Variants in CNTN5 observed in about 807,000 individuals in gnomAD.
CNTN5 encodes the protein contactin-5.
In CNTN5, 77 loss-of-function variants were observed where a neutral mutation model predicts 129.1. The ratio of observed to expected loss-of-function variants is 0.60; its 90% CI spans 0.50 to 0.72. The LOEUF (loss-of-function observed/expected upper bound fraction) is 0.72, where lower values mean the gene tolerates loss of function less well. Among genes scored for constraint, CNTN5 ranks in the 30% least tolerant of loss-of-function variants. The pLI, the probability that CNTN5 is intolerant of heterozygous loss-of-function variation, is 0.00. For synonymous variants in CNTN5, 509 were observed against 465.6 expected (o/e 1.09, Z -1.20); for missense variants, 1,478 against 1,328.8 (o/e 1.11, Z -1.75).
chr11:99,139,490 C>A (rs1324480347), intron 1 of CNTN5, among the ~76,000 whole-genome samples: 1 of 152,102 alleles, frequency 6.6e-6, no homozygotes, highest in Non-Finnish European at 1.5e-5. Flanking sequence ...ATAATACTTT[C>A]TAAGCATTTT....
intron 1 of CNTN5, among the ~76,000 whole-genome samples, chr11:99,241,819 GC>G (rs1861574941): frequency 6.6e-6 from 1 of 152,066 alleles, no homozygotes; most frequent in South Asian, 2.1e-4. Flanking sequence ...TTTAAACTTT[GC>G]ATTCTGGTGT....
chr11:100,140,358 G>A (rs372252710), intron 13 of CNTN5, among the ~76,000 whole-genome samples: 1 of 152,174 alleles, frequency 6.6e-6, no homozygotes, highest in Non-Finnish European at 1.5e-5. Context: ...TATGATAAAT[G>A]TAAAGAGGGG....
chr11:100,071,315 G>C (rs1943912880), intron 11 of CNTN5, among the ~76,000 whole-genome samples: 1 of 152,018 alleles, frequency 6.6e-6, no homozygotes, highest in Non-Finnish European at 1.5e-5. Context: ...TTGATCTCAT[G>C]TGTCTACAAC....
chr11:99,528,056 T>C (rs1158878816), intron 2 of CNTN5, among the ~76,000 whole-genome samples: 1 of 152,162 alleles, frequency 6.6e-6, no homozygotes, highest in Non-Finnish European at 1.5e-5. Context: ...AAACAATCAA[T>C]ATAAAAATAC....
At chr11:100,103,620 C>A (rs1945305688) in intron 13 of CNTN5, among the ~76,000 whole-genome samples, 1 of 152,142 alleles carries the variant, frequency 6.6e-6, no homozygotes, top group Non-Finnish European at 1.5e-5. Flanking sequence ...CAGCTGTGAA[C>A]CCATTCACCT....
chr11:99,810,459 G>A (rs907428775), intron 3 of CNTN5, among the ~76,000 whole-genome samples: 3 of 151,974 alleles, frequency 2.0e-5, no homozygotes, highest in Non-Finnish European at 2.9e-5. Context: ...TTTAAAAATC[G>A]TGTATTTCAT....
At chr11:99,352,654 A>G (rs1938377900) in intron 2 of CNTN5, among the ~76,000 whole-genome samples, 2 of 151,930 alleles carry the variant, frequency 1.3e-5, no homozygotes, top group South Asian at 4.2e-4. Flanking sequence ...GTAGATAGAT[A>G]TTCAGTTAGC....
intron 1 of CNTN5, among the ~76,000 whole-genome samples, chr11:99,105,895 A>G (rs1277962478): frequency 6.6e-6 from 1 of 152,210 alleles, no homozygotes; most frequent in Non-Finnish European, 1.5e-5. Flanking sequence ...AGGTTTGTCT[A>G]TAGACCTGTA....
chr11:99,258,010 C>G (rs1373782856), intron 1 of CNTN5, among the ~76,000 whole-genome samples: 1 of 151,998 alleles, frequency 6.6e-6, no homozygotes, highest in Non-Finnish European at 1.5e-5. Flanking sequence ...ATTCCTTGTT[C>G]TTCATGCTAT....
chr11:99,151,601 T>G (rs1860060801), intron 1 of CNTN5, among the ~76,000 whole-genome samples: 1 of 152,052 alleles, frequency 6.6e-6, no homozygotes, highest in African/African-American at 2.4e-5. Flanking sequence ...GAAAAGGAAA[T>G]GACAAGGTGT....
At chr11:99,508,703 G>A (rs899009696) in intron 2 of CNTN5, among the ~76,000 whole-genome samples, 2 of 129,358 alleles carry the variant, frequency 1.5e-5, no homozygotes, top group South Asian at 2.4e-4. Flanking sequence ...TTTTGACACG[G>A]AATTTTGTTC....
intron 6 of CNTN5, among the ~76,000 whole-genome samples, chr11:99,889,323 TG>T (rs1565642682): frequency 0.31 from 44,123 of 144,330 alleles, 7,970 homozygotes; most frequent in African/African-American, 0.42. Context: ...TGTGTGTGTG[TG>T]TGTGTGTGTG....
At chr11:99,316,796 T>G (rs1164676378) in intron 1 of CNTN5, among the ~76,000 whole-genome samples, 3 of 151,810 alleles carry the variant, frequency 2.0e-5, no homozygotes, top group Admixed American at 6.6e-5. Flanking sequence ...CTGCTTTAAT[T>G]AAGAGCAATC....
intron 13 of CNTN5, among the ~76,000 whole-genome samples, chr11:100,150,478 C>T (rs191611679): frequency 6.6e-6 from 1 of 151,786 alleles, no homozygotes; most frequent in Non-Finnish European, 1.5e-5. Flanking sequence ...GGCCTTTAAA[C>T]AGAATGATTT....
intron 1 of CNTN5, among the ~76,000 whole-genome samples, chr11:99,113,463 A>T (rs1434995614): frequency 6.6e-6 from 1 of 152,048 alleles, no homozygotes; most frequent in Non-Finnish European, 1.5e-5. Context: ...GGAATAAAGT[A>T]CTGTATGTGA....
intron 7 of CNTN5, among the ~76,000 whole-genome samples, chr11:99,926,605 T>C (rs1477078835): frequency 6.6e-6 from 1 of 152,186 alleles, no homozygotes; most frequent in African/African-American, 2.4e-5. Context: ...TTTTGGCATC[T>C]TTAATCTTAC....
At chr11:99,463,129 A>AAATAAATAAATAAATG (rs1944787031) in intron 2 of CNTN5, among the ~76,000 whole-genome samples, 3 of 148,474 alleles carry the variant, frequency 2.0e-5, no homozygotes, top group Non-Finnish European at 4.5e-5. Flanking sequence ...ATAAATAAAT[A>AAATAAATAAATAAATG]AATAAATAAA....
intron 6 of CNTN5, among the ~76,000 whole-genome samples, chr11:99,889,618 C>A (rs1200638314): frequency 6.6e-6 from 1 of 151,150 alleles, no homozygotes; most frequent in Non-Finnish European, 1.5e-5. Flanking sequence ...TTACTACATC[C>A]TCTGCCTCCT....
intron 3 of CNTN5, among the ~76,000 whole-genome samples, chr11:99,812,463 A>T (rs1319450798): frequency 2.0e-5 from 3 of 152,144 alleles, no homozygotes; most frequent in African/African-American, 7.2e-5. Context: ...AATAACAAAA[A>T]ATAATATAGA....
Sources: allele counts gnomAD v4.1 joint callset (sites outside exome capture counted in the v4.1 genomes callset), GRCh38; gene constraint gnomAD v4.1.1; transcripts MANE v1.5; gene names NCBI Gene and HGNC (gene_info 2026-07-23, HGNC 2026-07-21).